The following CDH4 variants were observed in gnomAD, a reference collection of about 807,000 sequenced individuals.
The protein encoded by CDH4 is cadherin-4.
In CDH4, 33 loss-of-function variants were observed where a neutral mutation model predicts 86.0. The observed-to-expected ratio is 0.38, with a 90% CI of 0.29 to 0.51. The LOEUF (loss-of-function observed/expected upper bound fraction) is 0.51, where lower values mean the gene tolerates loss of function less well. Ranked by LOEUF, CDH4 falls within the 20% of genes least tolerant of loss-of-function variation. CDH4 has a pLI of 0.86. For missense variants in CDH4, 1,114 were observed against 1,307.4 expected, an observed-to-expected ratio of 0.85 and a Z score of 2.28; for synonymous variants, 555 against 549.4, an observed-to-expected ratio of 1.01 and a Z score of -0.14.
intron 2 of CDH4, among the ~76,000 whole-genome samples, chr20:61,523,401 G>A (rs992827578): frequency 5.1e-4 from 78 of 152,332 alleles, no homozygotes; most frequent in African/African-American, 9.6e-4. Flanking sequence ...CGTGCTCCTC[G>A]CACGCACAGA....
intron 4 of CDH4, among the ~76,000 whole-genome samples, chr20:61,827,169 A>G (rs1329872330): frequency 1.3e-5 from 2 of 152,240 alleles, no homozygotes; most frequent in Non-Finnish European, 2.9e-5. Context: ...GTTATCTTTT[A>G]CAATACATTA....
chr20:61,730,665 C>T (rs866156840), intron 2 of CDH4, among the ~76,000 whole-genome samples: 1 of 152,336 alleles, frequency 6.6e-6, no homozygotes, highest in South Asian at 2.1e-4. Flanking sequence ...AGGTGGCCGG[C>T]AGTTTCAGGC....
intron 2 of CDH4, among the ~76,000 whole-genome samples, chr20:61,619,481 CT>C (rs2086752488): frequency 1.3e-5 from 2 of 152,204 alleles, no homozygotes; most frequent in South Asian, 2.1e-4. Flanking sequence ...ATGATTAGAA[CT>C]CTCTGAGTTT....
At chr20:61,792,705 T>C (rs1465194008) in intron 4 of CDH4, among the ~76,000 whole-genome samples, 1 of 151,762 alleles carries the variant, frequency 6.6e-6, no homozygotes, top group Non-Finnish European at 1.5e-5. Context: ...GGCTGGAGTG[T>C]TGTGGCATGA....
At chr20:61,796,423 G>A (rs745378805) in intron 4 of CDH4, among the ~76,000 whole-genome samples, 18 of 152,162 alleles carry the variant, frequency 1.2e-4, no homozygotes, top group African/African-American at 4.1e-4. Context: ...TGACACAGAC[G>A]TCACTACCCC....
At chr20:61,699,283 G>C (rs1051564904) in intron 2 of CDH4, among the ~76,000 whole-genome samples, 2 of 151,958 alleles carry the variant, frequency 1.3e-5, no homozygotes, top group Admixed American at 6.5e-5. Flanking sequence ...CGGCCTGGCT[G>C]ATGAGGGGGC....
chr20:61,697,152 C>T (rs529273535), intron 2 of CDH4, among the ~76,000 whole-genome samples: 4 of 152,214 alleles, frequency 2.6e-5, no homozygotes, highest in African/African-American at 9.6e-5. Context: ...TGCAAACATT[C>T]GGATGTGCGG....
intron 2 of CDH4, among the ~76,000 whole-genome samples, chr20:61,670,804 T>C (rs1011415): frequency 0.74 from 112,526 of 152,054 alleles, 42,008 homozygotes; most frequent in East Asian, 0.88. Context: ...ACTGTTCTCC[T>C]GTTGATACGG....
intron 13 of CDH4, among the ~76,000 whole-genome samples, chr20:61,930,999 G>A (rs562264857): frequency 1.8e-4 from 28 of 152,340 alleles, no homozygotes; most frequent in African/African-American, 5.5e-4. Flanking sequence ...GAGGGCATCC[G>A]CAGTGGGGCC....
chr20:61,842,818 C>T (rs183020260), intron 4 of CDH4, among the ~76,000 whole-genome samples: 97 of 152,108 alleles, frequency 6.4e-4, no homozygotes, highest in Middle Eastern at 3.4e-3. Flanking sequence ...TGGGATTGAG[C>T]GTTTGGTTTG....
chr20:61,928,026 T>A (rs1568893973), intron 11 of CDH4, among the ~76,000 whole-genome samples, 164 bp from the exon 12 acceptor site: 1 of 152,324 alleles, frequency 6.6e-6, no homozygotes, highest in Non-Finnish European at 1.5e-5. Flanking sequence ...TCAGTCCCTG[T>A]GCAGCTGTGT....
At chr20:61,885,807 G>A (rs111816150) in intron 7 of CDH4, among the ~76,000 whole-genome samples, 127 of 152,326 alleles carry the variant, frequency 8.3e-4, no homozygotes, top group African/African-American at 3.0e-3. Flanking sequence ...TGTGCAGCCT[G>A]AGGATGAGAC....
intron 2 of CDH4, among the ~76,000 whole-genome samples, chr20:61,635,364 C>T (rs1400417507): frequency 1.3e-5 from 2 of 152,150 alleles, no homozygotes; most frequent in African/African-American, 4.8e-5. Flanking sequence ...GGGCTTTTTG[C>T]AAATATAACC....
At chr20:61,602,745 T>C (rs1417623569) in intron 2 of CDH4, among the ~76,000 whole-genome samples, 1 of 139,476 alleles carries the variant, frequency 7.2e-6, no homozygotes, top group Admixed American at 7.4e-5. Context: ...GTCTCCCAGG[T>C]GCTGTGTGTG....
At chr20:61,756,153 TA>T (rs1209814940) in intron 3 of CDH4, among the ~76,000 whole-genome samples, 1 of 152,198 alleles carries the variant, frequency 6.6e-6, no homozygotes, top group Non-Finnish European at 1.5e-5. Context: ...CAGGCTTCGT[TA>T]GCGTGAACGC....
intron 2 of CDH4, among the ~76,000 whole-genome samples, chr20:61,664,761 A>G (rs1171362323): frequency 6.6e-6 from 1 of 152,222 alleles, no homozygotes; most frequent in African/African-American, 2.4e-5. Flanking sequence ...ACCCTGCCCC[A>G]GTTCCTTCCT....
At chr20:61,304,851 A>T (rs1461629267) in intron 2 of CDH4, among the ~76,000 whole-genome samples, 2 of 145,832 alleles carry the variant, frequency 1.4e-5, no homozygotes, top group East Asian at 4.0e-4. Flanking sequence ...CGCATGCAGC[A>T]CGTGTATTGT....
At chr20:61,729,438 T>C (rs191883486) in intron 2 of CDH4, among the ~76,000 whole-genome samples, 4 of 152,306 alleles carry the variant, frequency 2.6e-5, no homozygotes, top group South Asian at 4.2e-4. Context: ...ACCTGCACTT[T>C]TTTTCTTGAA....
intron 4 of CDH4, among the ~76,000 whole-genome samples, chr20:61,798,817 G>C (rs565718641): frequency 6.6e-6 from 1 of 152,172 alleles, no homozygotes; most frequent in African/African-American, 2.4e-5. Context: ...TGTGTGTCCC[G>C]AGTCCAGCCA....
Sources: gnomAD v4.1 joint callset for allele counts (sites outside exome capture counted in the v4.1 genomes callset) on GRCh38, gnomAD v4.1.1 for gene constraint, MANE v1.5 for transcripts, NCBI Gene and HGNC (gene_info 2026-07-23, HGNC 2026-07-21) for gene names.